The following KIAA1217 variants were observed in gnomAD, a reference collection of about 807,000 sequenced individuals.
KIAA1217 encodes KIAA1217, also known as sickle tail protein homolog.
A neutral mutation model predicts 163.9 loss-of-function variants in KIAA1217; 88 were observed. The ratio of observed to expected loss-of-function variants is 0.54; its 90% CI spans 0.45 to 0.64. KIAA1217 has a LOEUF of 0.64. Among genes scored for constraint, KIAA1217 ranks in the 30% least tolerant of loss-of-function variants. KIAA1217 has a pLI of 0.00. For synonymous variants in KIAA1217, 903 were observed against 923.1 expected, an observed-to-expected ratio of 0.98 and a Z score of 0.39; for missense variants, 2,372 against 2,475.0, an observed-to-expected ratio of 0.96 and a Z score of 0.88.
At chr10:24,447,407 C>T (rs2061029711) in intron 5 of KIAA1217, among the ~76,000 whole-genome samples, 1 of 152,092 alleles carries the variant, frequency 6.6e-6, no homozygotes, top group African/African-American at 2.4e-5. Context: ...CCACAACAGG[C>T]CCCGGTGTGT....
At chr10:24,294,204 A>G (rs1014707597) in intron 2 of KIAA1217, among the ~76,000 whole-genome samples, 9 of 151,266 alleles carry the variant, frequency 5.9e-5, no homozygotes, top group African/African-American at 1.7e-4. Flanking sequence ...AAAAAAAAAA[A>G]AAAAAAAAAG....
chr10:24,383,539 A>G lies in KIAA1217; in HGVS notation c.553+2472A>G, dbSNP rs550048718. Reference sequence around the variant, plus strand: ...ACGCTTCTGCAAATTGCTCCATTTTACTCAGCATCCTTTGCTGTAGAGTGC... The same window carrying G: ...ACGCTTCTGCAAATTGCTCCATTTTGCTCAGCATCCTTTGCTGTAGAGTGC... On this transcript the variant is annotated intron_variant, in intron 3 of 20. Coordinates refer to ENST00000376454, the MANE Select transcript of KIAA1217 (RefSeq NM_019590.5). Among the ~76,000 whole-genome samples the G allele has an allele frequency of 3.9e-5, 6 of 152,290 alleles. No homozygotes were observed. The East Asian group carries it at 5.8e-4, about 15-fold the overall frequency.
chr10:24,196,552 T>A (rs2066998399), intron 2 of KIAA1217, among the ~76,000 whole-genome samples: 1 of 152,152 alleles, frequency 6.6e-6, no homozygotes, highest in Admixed American at 6.5e-5. Flanking sequence ...CATTGGAAAT[T>A]CAGGAAAAAG....
intron 2 of KIAA1217, among the ~76,000 whole-genome samples, chr10:24,315,929 T>TGGG (rs11350159): frequency 1.0e-3 from 147 of 141,898 alleles, no homozygotes; most frequent in East Asian, 6.7e-3. Flanking sequence ...TTTTATCTAA[T>TGGG]GGGGGGGGGG....
chr10:23,856,135 T>C (rs894721872), intron 1 of KIAA1217, among the ~76,000 whole-genome samples: 1 of 152,200 alleles, frequency 6.6e-6, no homozygotes, highest in African/African-American at 2.4e-5. Flanking sequence ...TCCCCATCTA[T>C]GTGGTTTTAT....
intron 1 of KIAA1217, among the ~76,000 whole-genome samples, chr10:23,781,887 G>A (rs1283466017): frequency 6.6e-6 from 1 of 152,012 alleles, no homozygotes; most frequent in African/African-American, 2.4e-5. Flanking sequence ...ATATATGCAC[G>A]GGTTTATTTC....
At chr10:24,064,504 G>A (rs1295499500) in intron 2 of KIAA1217, among the ~76,000 whole-genome samples, 3 of 152,158 alleles carry the variant, frequency 2.0e-5, no homozygotes, top group Non-Finnish European at 4.4e-5. Context: ...CTTGATCATG[G>A]TGGATAAGCT....
At chr10:23,830,311 G>A (rs1838118471) in intron 1 of KIAA1217, among the ~76,000 whole-genome samples, 1 of 152,182 alleles carries the variant, frequency 6.6e-6, no homozygotes, top group South Asian at 2.1e-4. Context: ...CGTTGACAGT[G>A]AAGTCTCTCT....
At chr10:24,410,032 T>C (rs2057615985) in intron 3 of KIAA1217, among the ~76,000 whole-genome samples, 2 of 147,416 alleles carry the variant, frequency 1.4e-5, no homozygotes, top group South Asian at 4.3e-4. Flanking sequence ...GGTCTCATTC[T>C]GTCGCCCAGG....
At chr10:24,132,797 G>A (rs762295933) in intron 2 of KIAA1217, among the ~76,000 whole-genome samples, 3 of 152,158 alleles carry the variant, frequency 2.0e-5, no homozygotes, top group Non-Finnish European at 2.9e-5. Flanking sequence ...AAAAGACACC[G>A]GATGAGGCTG....
chr10:24,459,325 A>C (rs1231852958), intron 5 of KIAA1217, among the ~76,000 whole-genome samples: 1 of 152,144 alleles, frequency 6.6e-6, no homozygotes, highest in East Asian at 1.9e-4. Context: ...AGTCATCCCC[A>C]CCATAAGAAC....
chr10:23,820,879 G>T (rs746931760), intron 1 of KIAA1217, among the ~76,000 whole-genome samples: 1 of 152,154 alleles, frequency 6.6e-6, no homozygotes, highest in African/African-American at 2.4e-5. Context: ...AAGATGAAGA[G>T]CAGAGAATGG....
chr10:23,805,599 C>T lies in KIAA1217; in HGVS notation c.-321+110365C>T, dbSNP rs559407949. 3.3e-5 allele frequency among the ~76,000 whole-genome samples: 5 copies of T among 152,012 alleles called. No homozygotes were observed. The South Asian group carries it at 1.0e-3, about 32-fold the overall frequency. On this transcript the variant is annotated intron_variant, in intron 1 of 18. Transcript: ENST00000376462. ...ACTAGGCTTAATACCTGGGTGATAA[C>T]ATAATTTGTACAAATGAACCCCCAT...
intron 1 of KIAA1217, among the ~76,000 whole-genome samples, chr10:23,771,007 A>G (rs1014951170): frequency 7.2e-5 from 11 of 152,202 alleles, no homozygotes; most frequent in African/African-American, 2.4e-4. Context: ...TTCTCCTTTC[A>G]TCACCTTGAT....
At chr10:24,114,956 C>T (rs1168490264) in intron 2 of KIAA1217, among the ~76,000 whole-genome samples, 1 of 152,210 alleles carries the variant, frequency 6.6e-6, no homozygotes, top group East Asian at 1.9e-4. Flanking sequence ...TCCTAGCTCA[C>T]TGCTCAACTG....
At chr10:23,993,456 A>G (rs943070399) in intron 1 of KIAA1217, among the ~76,000 whole-genome samples, 4 of 151,530 alleles carry the variant, frequency 2.6e-5, no homozygotes, top group African/African-American at 9.7e-5. Flanking sequence ...AATCAGGAAT[A>G]GTCAATACCT....
intron 2 of KIAA1217, among the ~76,000 whole-genome samples, chr10:24,026,626 CT>C (rs1048879854): frequency 5.3e-5 from 8 of 150,990 alleles, no homozygotes; most frequent in African/African-American, 1.9e-4. Context: ...TGTGATTCTC[CT>C]TTTTTTCTCA....
intron 1 of KIAA1217, among the ~76,000 whole-genome samples, chr10:23,836,795 T>TA (rs1056592714): frequency 4.0e-5 from 6 of 151,796 alleles, no homozygotes; most frequent in Non-Finnish European, 7.4e-5. Context: ...CCGTGTATGG[T>TA]AGCACACACC....
At chr10:23,869,368 G>A (rs1299303418) in intron 1 of KIAA1217, among the ~76,000 whole-genome samples, 2 of 151,956 alleles carry the variant, frequency 1.3e-5, no homozygotes, top group Non-Finnish European at 2.9e-5. Context: ...TCTGTGAGAG[G>A]AACACTGGAT....
Sources: gnomAD v4.1 joint callset for allele counts (sites outside exome capture counted in the v4.1 genomes callset) on GRCh38, gnomAD v4.1.1 for gene constraint, MANE v1.5 for transcripts, NCBI Gene and HGNC (gene_info 2026-07-23, HGNC 2026-07-21) for gene names.